Variants in NMNAT2 observed in about 807,000 individuals in gnomAD.
NMNAT2 encodes nicotinamide/nicotinic acid mononucleotide adenylyltransferase 2.
In NMNAT2, 11 loss-of-function variants were observed where a neutral mutation model predicts 41.6. The observed-to-expected ratio is 0.26, with a 90% CI of 0.17 to 0.44. The LOEUF (loss-of-function observed/expected upper bound fraction) is 0.44. Ranked by LOEUF, NMNAT2 falls within the 20% of genes least tolerant of loss-of-function variation. The probability of loss-of-function intolerance (pLI) is 1.00; values close to 1 mark genes in which losing one functional copy is unlikely to be tolerated. For synonymous variants in NMNAT2, 148 were observed against 151.2 expected (o/e 0.98, Z 0.16); for missense variants, 288 against 407.7 (o/e 0.71, Z 2.53).
At chr1:183,308,046 G>A (rs1248257994) in intron 1 of NMNAT2, among the ~76,000 whole-genome samples, 1 of 152,178 alleles carries the variant, frequency 6.6e-6, no homozygotes, top group African/African-American at 2.4e-5. Context: ...CAGTTCTCCA[G>A]GTTATTGATT....
intron 1 of NMNAT2, among the ~76,000 whole-genome samples, chr1:183,405,559 A>G (rs752138531): frequency 6.6e-6 from 1 of 152,236 alleles, no homozygotes; most frequent in Non-Finnish European, 1.5e-5. Flanking sequence ...AGCCACTTAC[A>G]TGGGAGCCCT....
chr1:183,289,515 C>T (rs947272833), intron 4 of NMNAT2, among the ~76,000 whole-genome samples: 4 of 152,252 alleles, frequency 2.6e-5, no homozygotes, highest in African/African-American at 9.6e-5. Context: ...TCACCAAACA[C>T]TCACTGTGTG....
intron 5 of NMNAT2, 114 bp from the exon 6 acceptor site, chr1:183,284,904 C>T: frequency 1.2e-6 from 1 of 808,118 alleles, no homozygotes; most frequent in Non-Finnish European, 2.2e-6. Flanking sequence ...ATGGACGGGG[C>T]AGGAGTGGGG....
chr1:183,263,024 T>G (rs1251665525), intron 8 of NMNAT2, among the ~76,000 whole-genome samples: 1 of 152,220 alleles, frequency 6.6e-6, no homozygotes, highest in Non-Finnish European at 1.5e-5. Context: ...AGAATTCCAT[T>G]TCTAAGCCTG....
chr1:183,405,797 T>C (rs1048374636), intron 1 of NMNAT2, among the ~76,000 whole-genome samples: 1 of 152,218 alleles, frequency 6.6e-6, no homozygotes, highest in Admixed American at 6.5e-5. Flanking sequence ...AATTTCAGAA[T>C]TCAGAAACGC....
intron 1 of NMNAT2, among the ~76,000 whole-genome samples, chr1:183,300,988 C>T (rs566316130): frequency 6.6e-6 from 1 of 152,288 alleles, no homozygotes; most frequent in Admixed American, 6.5e-5. Flanking sequence ...AGATCAGAGT[C>T]AAGATTGGCA....
At chr1:183,359,715 G>A (rs1663266271) in intron 1 of NMNAT2, among the ~76,000 whole-genome samples, 1 of 152,154 alleles carries the variant, frequency 6.6e-6, no homozygotes, top group Non-Finnish European at 1.5e-5. Context: ...CCCAGATCTG[G>A]CTCAGCAGTG....
At chr1:183,384,977 C>T (rs958153697) in intron 1 of NMNAT2, among the ~76,000 whole-genome samples, 2 of 151,850 alleles carry the variant, frequency 1.3e-5, no homozygotes, top group African/African-American at 4.8e-5. Context: ...GTGGGAGTTG[C>T]TTGAGGTCAA....
intron 1 of NMNAT2, among the ~76,000 whole-genome samples, chr1:183,380,891 G>A (rs1663790357): frequency 6.6e-6 from 1 of 152,174 alleles, no homozygotes; most frequent in Non-Finnish European, 1.5e-5. Context: ...TGTTGTGCAG[G>A]TAATTGGGAG....
chr1:183,305,716 C>CTT (rs5741563), intron 1 of NMNAT2, among the ~76,000 whole-genome samples: 14,415 of 123,024 alleles, frequency 0.12, 944 homozygotes, highest in East Asian at 0.2. Context: ...CCTTTACAGC[C>CTT]TTTTTTTTTT....
intron 7 of NMNAT2, 126 bp from the exon 8 acceptor site, chr1:183,278,755 C>A: frequency 2.9e-6 from 2 of 693,790 alleles, no homozygotes; most frequent in Non-Finnish European, 5.2e-6. Context: ...CCCAGTTATC[C>A]CAGGTGCCTC....
rs1325598952 is a variant in NMNAT2, at chr1:183,418,288, G to A, written c.-21C>T. ...GTCATGGTGCAGATGGGTCCTTCGC[G>A]GTGGTCTAGGGGTTGCCTCTCTTTT... On this transcript the variant is annotated 5_prime_UTR_variant, in exon 1 of 11. Coordinates refer to ENST00000287713, the MANE Select transcript of NMNAT2 (RefSeq NM_015039.4). 1.2e-6 allele frequency: 2 copies of A among 1,610,238 alleles called. No individual in the cohort carries two copies. Among genetic ancestry groups the A allele is most frequent in the Non-Finnish European group, 1.7e-6 (2 of 1,176,502 alleles).
chr1:183,328,484 G>A (rs969689873), intron 1 of NMNAT2, among the ~76,000 whole-genome samples: 2 of 152,206 alleles, frequency 1.3e-5, no homozygotes, highest in Non-Finnish European at 2.9e-5. Flanking sequence ...TGAAACCTCT[G>A]CTCTCTAGTC....
intron 1 of NMNAT2, among the ~76,000 whole-genome samples, chr1:183,400,236 T>C (rs941942207): frequency 1.3e-5 from 2 of 152,190 alleles, no homozygotes; most frequent in African/African-American, 4.8e-5. Context: ...AAAATCCATG[T>C]GCAAAAATCA....
rs550566207 is a variant in NMNAT2 at position 183,351,492 on chromosome 1, G to A, written c.86-57699C>T. ...CTCGCCTGCAGAACTTTGGAAAGGG[G>A]CTGACTACCCATTCCTGGTCTATTT... is the stretch of plus-strand genomic sequence containing the variant. On this transcript the variant is annotated intron_variant, in intron 1 of 10. Coordinates refer to ENST00000287713, the MANE Select transcript of NMNAT2 (RefSeq NM_015039.4). 3.2e-4 allele frequency among the ~76,000 whole-genome samples: 48 copies of A among 152,298 alleles called. No individual in the cohort carries two copies. The South Asian group carries it at 9.3e-3, about 30-fold the overall frequency.
chr1:183,310,386 T>A (rs1162380180), intron 1 of NMNAT2, among the ~76,000 whole-genome samples: 2 of 152,232 alleles, frequency 1.3e-5, no homozygotes, highest in African/African-American at 4.8e-5. Context: ...GCAAACCCTG[T>A]CTTCCAGAAT....
chr1:183,326,526 C>T (rs1316550113), intron 1 of NMNAT2, among the ~76,000 whole-genome samples: 1 of 151,996 alleles, frequency 6.6e-6, no homozygotes. Flanking sequence ...CTTAGCTTTC[C>T]ATATGGAGAC....
At chr1:183,274,272 A>G (rs1009952561) in intron 8 of NMNAT2, among the ~76,000 whole-genome samples, 3 of 151,780 alleles carry the variant, frequency 2.0e-5, no homozygotes, top group African/African-American at 4.8e-5. Flanking sequence ...GCAGGACAAA[A>G]CCAGAATGCT....
At chr1:183,286,492 A>T (rs1661401720) in intron 5 of NMNAT2, among the ~76,000 whole-genome samples, 170 bp downstream of exon 5, 1 of 152,084 alleles carries the variant, frequency 6.6e-6, no homozygotes, top group Non-Finnish European at 1.5e-5. Flanking sequence ...GGGTCCTCAA[A>T]GTATTGTCTC....
Sources: allele counts gnomAD v4.1 joint callset (sites outside exome capture counted in the v4.1 genomes callset), GRCh38; gene constraint gnomAD v4.1.1; transcripts MANE v1.5; gene names NCBI Gene and HGNC (gene_info 2026-07-23, HGNC 2026-07-21).